Variants in PXK observed in about 807,000 individuals in gnomAD.
PXK encodes the protein PX domain containing serine/threonine kinase like.
A neutral mutation model predicts 84.7 loss-of-function variants in PXK; 35 were observed. The ratio of observed to expected loss-of-function variants is 0.41; its 90% CI spans 0.32 to 0.55. The LOEUF is 0.55. Among genes scored for constraint, PXK ranks in the 20% least tolerant of loss-of-function variants. PXK has a pLI of 0.21. For synonymous variants in PXK, 253 were observed against 260.8 expected, an observed-to-expected ratio of 0.97 and a Z score of 0.29; for missense variants, 634 against 699.7, an observed-to-expected ratio of 0.91 and a Z score of 1.06.
intron 17 of PXK, chr3:58,420,787 C>A: frequency 7.3e-7 from 1 of 1,367,422 alleles, no homozygotes. Context: ...CCTTCAAAAT[C>A]TTCATTTTCA....
chr3:58,350,682 G>A (rs963848756), intron 1 of PXK, among the ~76,000 whole-genome samples: 1 of 152,126 alleles, frequency 6.6e-6, no homozygotes, highest in African/African-American at 2.4e-5. Flanking sequence ...ATGTAGTGAC[G>A]CCTCCCTTCA....
intron 1 of PXK, among the ~76,000 whole-genome samples, chr3:58,343,636 CA>C (rs1342829486): frequency 6.6e-6 from 1 of 152,222 alleles, no homozygotes; most frequent in Non-Finnish European, 1.5e-5. Context: ...GGGGCGCAGG[CA>C]GCTTGTTCTG....
At chr3:58,422,223 C>G in intron 17 of PXK, 2 of 985,448 alleles carry the variant, frequency 2.0e-6, no homozygotes, top group Non-Finnish European at 2.4e-6. Flanking sequence ...AGTCCCAGGT[C>G]TGTGTTCCTG....
intron 1 of PXK, among the ~76,000 whole-genome samples, chr3:58,336,071 A>ATATATATATATATATAT (rs1284780630): frequency 1.2e-4 from 6 of 51,582 alleles, no homozygotes; most frequent in African/African-American, 3.0e-4. Flanking sequence ...ATATATATAT[A>ATATATATATATATATAT]TTTTTTTTTT....
chr3:58,384,170 G>A (rs7624283), intron 4 of PXK, among the ~76,000 whole-genome samples: 44,671 of 152,158 alleles, frequency 0.29, 7,345 homozygotes, highest in Middle Eastern at 0.39. Context: ...GTGACTCACA[G>A]TGTGGTTCTC....
At position 58,334,457 on chromosome 3, in the gene PXK, C is replaced by G. The variant is rs114554045; in HGVS notation, c.102+1367C>G. Among the ~76,000 whole-genome samples, 486 of 152,244 alleles carry G rather than the reference C, an allele frequency of 3.2e-3. 2 individuals carry two copies. Among genetic ancestry groups the G allele is most frequent in the African/African-American group, 0.011 (472 of 41,548 alleles). On this transcript the variant is annotated intron_variant, in intron 1 of 17. Coordinates refer to ENST00000356151, the MANE Select transcript of PXK (RefSeq NM_017771.5). ...GGATAGGGAGTCAAGAGTAATTCAG[C>G]TATTAAATTTGATTTTTGACTTGAC... is the stretch of plus-strand genomic sequence containing the variant.
At chr3:58,405,734 T>C (rs1011023166) in intron 13 of PXK, among the ~76,000 whole-genome samples, 2 of 148,888 alleles carry the variant, frequency 1.3e-5, no homozygotes, top group African/African-American at 5.0e-5. Flanking sequence ...GCTGAGATCA[T>C]GCCGGTACAC....
intron 17 of PXK, chr3:58,423,439 TTG>T: frequency 6.6e-7 from 1 of 1,525,644 alleles, no homozygotes; most frequent in Non-Finnish European, 8.8e-7. Flanking sequence ...GCGTGTGTAT[TTG>T]TGTGATTCTT....
At chr3:58,346,111 T>C (rs2097812138) in intron 1 of PXK, among the ~76,000 whole-genome samples, 1 of 152,206 alleles carries the variant, frequency 6.6e-6, no homozygotes, top group South Asian at 2.1e-4. Context: ...TGTTCATTCA[T>C]TCCAACTGGG....
At chr3:58,336,117 C>T (rs1413958788) in intron 1 of PXK, among the ~76,000 whole-genome samples, 3 of 133,290 alleles carry the variant, frequency 2.3e-5, no homozygotes, top group Non-Finnish European at 4.6e-5. Flanking sequence ...TGCTGTGTTG[C>T]CCAGGCTGGT....
intron 17 of PXK, chr3:58,422,621 T>C (rs2062075342): frequency 2.0e-6 from 2 of 985,372 alleles, no homozygotes; most frequent in African/African-American, 1.7e-5. Flanking sequence ...ACTCCCAAAC[T>C]CTGCGGTGGT....
rs1389938773 is a variant in PXK, at chr3:58,400,909, C to G, written c.1181+1532C>G. On this transcript the variant is annotated intron_variant, in intron 12 of 17. Transcript: ENST00000356151. This position sits in a 1 kb window ranked among gnomAD's most constrained non-coding sequence, Gnocchi z 4.0. ...CCAGCCTGGGTGACAGAGCAAGACTCCGTCTCAAAACAAAACAAACAATGT... is the reference window on the plus strand; with the variant it reads ...CCAGCCTGGGTGACAGAGCAAGACTGCGTCTCAAAACAAAACAAACAATGT... 6.6e-6 allele frequency among the ~76,000 whole-genome samples: 1 copy of G among 152,100 alleles called. No individual in the cohort carries two copies. Among genetic ancestry groups the G allele is most frequent in the African/African-American group, 2.4e-5 (1 of 41,386 alleles).
chr3:58,367,304 G>T (rs958316704), intron 2 of PXK, among the ~76,000 whole-genome samples: 1 of 151,984 alleles, frequency 6.6e-6, no homozygotes, highest in Non-Finnish European at 1.5e-5. Flanking sequence ...CAGTGCAGTG[G>T]CACGATCTTC....
intron 1 of PXK, among the ~76,000 whole-genome samples, chr3:58,355,709 G>T (rs1267351694): frequency 6.6e-6 from 1 of 152,200 alleles, no homozygotes; most frequent in Non-Finnish European, 1.5e-5. Context: ...CAATTCCAAA[G>T]GTGTGGGAAT....
intron 3 of PXK, among the ~76,000 whole-genome samples, chr3:58,381,554 CCAA>C (rs2098502881): frequency 1.1e-4 from 1 of 9,374 alleles, no homozygotes; most frequent in African/African-American, 3.1e-4. Context: ...GAATAGAAAA[CCAA>C]AAAAAAAAAA....
At chr3:58,377,361 T>G (rs1252326468) in intron 3 of PXK, among the ~76,000 whole-genome samples, 1 of 152,186 alleles carries the variant, frequency 6.6e-6, no homozygotes, top group East Asian at 1.9e-4. Flanking sequence ...CAGGATGCCC[T>G]TCTCTTTAGA....
At chr3:58,365,794 T>A in intron 1 of PXK, 80 bp from the exon 2 acceptor site, 2 of 1,225,014 alleles carry the variant, frequency 1.6e-6, no homozygotes, top group East Asian at 2.5e-5. Context: ...TCTGATTTTT[T>A]AAAACTTATT....
chr3:58,389,999 C>CAAAAAA (rs61380830), intron 4 of PXK, among the ~76,000 whole-genome samples: 38 of 51,634 alleles, frequency 7.4e-4, no homozygotes, highest in Non-Finnish European at 9.9e-4. Context: ...AACTCCGTCT[C>CAAAAAA]AAAAAAAAAA....
intron 1 of PXK, among the ~76,000 whole-genome samples, chr3:58,334,356 G>A (rs56660615): frequency 0.046 from 6,981 of 152,188 alleles, 563 homozygotes; most frequent in African/African-American, 0.16. Flanking sequence ...ATGTGAGAAG[G>A]CACATACAGG....
Sources: allele counts gnomAD v4.1 joint callset (sites outside exome capture counted in the v4.1 genomes callset), GRCh38; gene constraint gnomAD v4.1.1; non-coding constraint Gnocchi (gnomAD v3.1); transcripts MANE v1.5; gene names NCBI Gene and HGNC (gene_info 2026-07-23, HGNC 2026-07-21).